DSCAM: variants seen among roughly 807,000 people sequenced by gnomAD.
DSCAM encodes the protein DS cell adhesion molecule, also known as cell adhesion molecule DSCAM.
Under a neutral mutation model 217.7 loss-of-function variants are expected in DSCAM, and 47 were observed. The observed-to-expected ratio is 0.22, with a 90% confidence interval of 0.17 to 0.28. The LOEUF (loss-of-function observed/expected upper bound fraction) is 0.28, where lower values mean the gene tolerates loss of function less well. DSCAM is among the 10% of genes least tolerant of loss of function. The probability of loss-of-function intolerance (pLI) is 1.00; values close to 1 mark genes in which losing one functional copy is unlikely to be tolerated. For missense variants in DSCAM, 2,080 were observed against 2,618.3 expected (o/e 0.79, Z 4.49); for synonymous variants, 1,056 against 1,015.3 (o/e 1.04, Z -0.76).
chr21:40,041,883 C>G (rs2146475870), intron 32 of DSCAM, among the ~76,000 whole-genome samples: 1 of 152,288 alleles, frequency 6.6e-6, no homozygotes, highest in East Asian at 1.9e-4. Flanking sequence ...GGGCCTCTTT[C>G]TCTGGAATCA....
intron 3 of DSCAM, among the ~76,000 whole-genome samples, chr21:40,479,513 C>T (rs1324405803): frequency 1.3e-5 from 2 of 152,082 alleles, no homozygotes; most frequent in Admixed American, 1.3e-4. Context: ...GCTGGGGAGG[C>T]CTCACAATCA....
chr21:40,786,253 AGAAGGAAG>A (rs60891197), intron 1 of DSCAM, among the ~76,000 whole-genome samples: 12 of 149,094 alleles, frequency 8.0e-5, no homozygotes, highest in Non-Finnish European at 1.5e-4. Flanking sequence ...AAACAAAGAA[AGAAGGAAG>A]GAAGGAAGGA....
At chr21:40,055,433 G>A (rs182621222) in intron 29 of DSCAM, among the ~76,000 whole-genome samples, 8 of 152,210 alleles carry the variant, frequency 5.3e-5, no homozygotes, top group South Asian at 4.2e-4. Flanking sequence ...AGTGGCATCC[G>A]TAGCCTCCCC....
rs570769075 is a variant in DSCAM, at chr21:40,662,033, C to A, written c.508+30777G>T. ...TAGGGTTAGAGCATAAAGTAACATGCCCAGCCTTGTGGCAGCCCGTGGGCA... is the reference window on the plus strand; with the variant it reads ...TAGGGTTAGAGCATAAAGTAACATGACCAGCCTTGTGGCAGCCCGTGGGCA... On this transcript the variant is annotated intron_variant, in intron 3 of 32. Transcript: ENST00000400454. Among the ~76,000 whole-genome samples the A allele has an allele frequency of 5.3e-5, 8 of 152,178 alleles. No homozygotes were observed. The South Asian group carries it at 1.7e-3, about 32-fold the overall frequency.
chr21:40,504,125 A>G (rs1438361107), intron 3 of DSCAM, among the ~76,000 whole-genome samples: 1 of 152,204 alleles, frequency 6.6e-6, no homozygotes, highest in East Asian at 1.9e-4. Flanking sequence ...AGAAATGAAC[A>G]GTCTGAGGCT....
At chr21:40,550,329 A>G (rs1016324745) in intron 3 of DSCAM, among the ~76,000 whole-genome samples, 1 of 152,192 alleles carries the variant, frequency 6.6e-6, no homozygotes, top group Non-Finnish European at 1.5e-5. Flanking sequence ...GTTTGAGACC[A>G]TCCTGGCCAA....
intron 16 of DSCAM, among the ~76,000 whole-genome samples, chr21:40,145,946 ATGCGTG>A (rs1186333591): frequency 3.5e-4 from 52 of 149,380 alleles, no homozygotes; most frequent in African/African-American, 1.1e-3. Context: ...GTTTATGTGT[ATGCGTG>A]TATGTATACA....
intron 20 of DSCAM, among the ~76,000 whole-genome samples, chr21:40,097,819 T>C (rs2089694612): frequency 1.3e-5 from 2 of 151,160 alleles, no homozygotes; most frequent in South Asian, 4.2e-4. Context: ...TGGGTCCCTG[T>C]AGTCCCAGCT....
At chr21:40,650,904 A>T (rs892109323) in intron 3 of DSCAM, among the ~76,000 whole-genome samples, 1 of 152,028 alleles carries the variant, frequency 6.6e-6, no homozygotes. Context: ...ACAGAGCAAG[A>T]CTCCATCATA....
chr21:40,492,958 C>T (rs957670261), intron 3 of DSCAM, among the ~76,000 whole-genome samples: 1 of 151,752 alleles, frequency 6.6e-6, no homozygotes, highest in African/African-American at 2.4e-5. Flanking sequence ...AAATCAAAGA[C>T]AAAGAGAGGA....
chr21:40,336,433 T>C (rs1344731160), intron 8 of DSCAM, among the ~76,000 whole-genome samples: 2 of 152,238 alleles, frequency 1.3e-5, no homozygotes, highest in Non-Finnish European at 2.9e-5. Flanking sequence ...GAAGACTTTC[T>C]GATGAGATCA....
At chr21:40,033,405 G>T (rs570144702) in intron 32 of DSCAM, among the ~76,000 whole-genome samples, 1 of 152,304 alleles carries the variant, frequency 6.6e-6, no homozygotes, top group East Asian at 1.9e-4. Context: ...GTCAAAGAAA[G>T]GGGTGACGGA....
At chr21:40,708,074 TTC>T (rs892714797) in intron 2 of DSCAM, among the ~76,000 whole-genome samples, 9 of 152,310 alleles carry the variant, frequency 5.9e-5, no homozygotes, top group Non-Finnish European at 1.3e-4. Context: ...TGTCATTTTT[TTC>T]TCTCTCTTTC....
At chr21:40,452,144 C>T (rs986019729) in intron 3 of DSCAM, among the ~76,000 whole-genome samples, 4 of 151,766 alleles carry the variant, frequency 2.6e-5, no homozygotes, top group African/African-American at 9.7e-5. Context: ...ATACAGAACA[C>T]TGTATAGATA....
intron 3 of DSCAM, among the ~76,000 whole-genome samples, chr21:40,660,650 A>G (rs541333359): frequency 1.8e-4 from 27 of 152,298 alleles, no homozygotes; most frequent in African/African-American, 5.1e-4. Flanking sequence ...GAAAACATGC[A>G]GAGTATGGTA....
chr21:40,738,605 T>G (rs145706327), intron 1 of DSCAM, among the ~76,000 whole-genome samples: 597 of 152,288 alleles, frequency 3.9e-3, no homozygotes, highest in African/African-American at 0.013. Context: ...CCAGTGTTTT[T>G]CAAAGTGGAG....
chr21:40,810,117 G>A (rs1303258459), intron 1 of DSCAM, among the ~76,000 whole-genome samples: 3 of 152,202 alleles, frequency 2.0e-5, no homozygotes, highest in Non-Finnish European at 4.4e-5. Context: ...TGCAGACAAA[G>A]AAGAGGGCTG....
intron 3 of DSCAM, among the ~76,000 whole-genome samples, chr21:40,641,314 T>C (rs1012974682): frequency 2.0e-5 from 3 of 152,138 alleles, no homozygotes; most frequent in African/African-American, 7.2e-5. Flanking sequence ...AGATGAGTGT[T>C]ATACAAGGAA....
chr21:40,399,269 C>CACGAAACAAA (rs368244425), intron 3 of DSCAM, among the ~76,000 whole-genome samples: 63 of 150,308 alleles, frequency 4.2e-4, no homozygotes, highest in East Asian at 2.4e-3. Context: ...GACCCTGTCT[C>CACGAAACAAA]ACAAAACAAA....
Sources: gnomAD v4.1 joint callset for allele counts (sites outside exome capture counted in the v4.1 genomes callset) on GRCh38, gnomAD v4.1.1 for gene constraint, MANE v1.5 for transcripts, NCBI Gene and HGNC (gene_info 2026-07-23, HGNC 2026-07-21) for gene names.